The following PITPNM2 variants were observed in gnomAD, a reference collection of about 807,000 sequenced individuals.
The protein encoded by PITPNM2 is membrane-associated phosphatidylinositol transfer protein 2.
In PITPNM2, 35 loss-of-function variants were observed where a neutral mutation model predicts 132.2. The ratio of observed to expected loss-of-function variants is 0.26; its 90% confidence interval spans 0.20 to 0.35. The LOEUF is 0.35. Ranked by LOEUF, PITPNM2 falls within the 10% of genes least tolerant of loss-of-function variation. The probability of loss-of-function intolerance (pLI) is 1.00; values close to 1 mark genes in which losing one functional copy is unlikely to be tolerated. For synonymous variants in PITPNM2, 738 were observed against 799.2 expected, an observed-to-expected ratio of 0.92 and a Z score of 1.29; for missense variants, 1,332 against 1,912.0, an observed-to-expected ratio of 0.70 and a Z score of 5.66.
chr12:123,143,060 C>T (rs1020611402), intron 1 of PITPNM2, among the ~76,000 whole-genome samples: 13 of 152,176 alleles, frequency 8.5e-5, no homozygotes, highest in Non-Finnish European at 1.8e-4. Flanking sequence ...GACAACCTCA[C>T]GCCACTGATG....
intron 2 of PITPNM2, among the ~76,000 whole-genome samples, chr12:123,101,976 C>T (rs923249256): frequency 2.6e-5 from 4 of 152,120 alleles, no homozygotes; most frequent in African/African-American, 9.7e-5. Flanking sequence ...ATTGTACCAC[C>T]GTACTCCAGC....
At chr12:123,147,708 A>T (rs2043646560) in intron 1 of PITPNM2, among the ~76,000 whole-genome samples, 1 of 152,178 alleles carries the variant, frequency 6.6e-6, no homozygotes, top group Non-Finnish European at 1.5e-5. Flanking sequence ...AATCAGTTGG[A>T]AAGACAGTGT....
chr12:122,997,477 C>T lies in PITPNM2; in HGVS notation c.1320G>A (p.Gly440=). ...HGGTILDTGA[G]DPSSKKGDAN... is the part of the protein sequence containing the mutation. The stretch of plus-strand genomic sequence containing the variant: ...CATCGCCCTTCTTGGAGCTGGGGTC[C>T]CCGGCGCCTGTGTCCAGGATGGTGC... Residue 440 remains glycine, a synonymous_variant, in exon 11 of 26, where the codon GGG becomes GGA. Transcript: ENST00000320201. 6.2e-7 allele frequency: 1 copy of T among 1,613,544 alleles called. No homozygotes were observed. The highest frequency in any genetic ancestry group is 8.5e-7 in the Non-Finnish European group (1 of 1,180,012).
chr12:123,007,485 G>C, intron 6 of PITPNM2: 1 of 442,094 alleles, frequency 2.3e-6, no homozygotes, highest in South Asian at 1.6e-5. Context: ...ATGCTGAGCG[G>C]GTTTGCAAGC....
intron 1 of PITPNM2, among the ~76,000 whole-genome samples, chr12:123,113,131 G>A (rs1233063387): frequency 1.3e-5 from 2 of 152,220 alleles, no homozygotes; most frequent in African/African-American, 2.4e-5. Context: ...CTGCCCAGAC[G>A]TCCACACGTC....
rs1293184690 is a variant in PITPNM2, at chr12:123,142,945, G to A, written c.-200+7808C>T. Among the ~76,000 whole-genome samples, 3 of 151,986 alleles carry A rather than the reference G, an allele frequency of 2.0e-5. No individual in the cohort carries two copies. In the East Asian group the frequency reaches 5.8e-4, roughly 29 times the overall value. On this transcript the variant is annotated intron_variant, in intron 1 of 25. Transcript: ENST00000320201. The stretch of plus-strand genomic sequence containing the variant: ...AAAGTACCAAGGAAAGCACTTAAAT[G>A]GGCCCTTCAGTGTGAGAGGAAGAAT...
rs1481298405 is a variant in PITPNM2 at position 123,111,265 on chromosome 12, G to A, written c.-199-777C>T. On this transcript the variant is annotated intron_variant, in intron 1 of 25. Coordinates refer to ENST00000320201, the MANE Select transcript of PITPNM2 (RefSeq NM_020845.3). This position sits in a 1 kb window ranked among gnomAD's most constrained non-coding sequence, Gnocchi z 4.1. ...ACACATACAAGCCTCCTGACCCTGGGCCCAGAGAGCAGGTAGCAGCCTACA... is the reference window on the plus strand; with the variant it reads ...ACACATACAAGCCTCCTGACCCTGGACCCAGAGAGCAGGTAGCAGCCTACA... 6.6e-6 allele frequency among the ~76,000 whole-genome samples: 1 copy of A among 152,202 alleles called. No individual in the cohort carries two copies. The highest frequency in any genetic ancestry group is 1.5e-5 in the Non-Finnish European group (1 of 68,034).
At chr12:123,091,544 T>C (rs1349921081) in intron 2 of PITPNM2, 1 of 151,998 alleles carries the variant, frequency 6.6e-6, no homozygotes, top group East Asian at 1.9e-4. Flanking sequence ...TGAGTGAGGG[T>C]CATGGAATTG....
At chr12:123,113,813 C>T (rs1341132229) in intron 1 of PITPNM2, among the ~76,000 whole-genome samples, 1 of 152,130 alleles carries the variant, frequency 6.6e-6, no homozygotes, top group Non-Finnish European at 1.5e-5. Context: ...TTCATCACCC[C>T]AAAAAGAAAA....
At chr12:123,011,525 C>T (rs984561059) in intron 5 of PITPNM2, among the ~76,000 whole-genome samples, 2 of 152,202 alleles carry the variant, frequency 1.3e-5, no homozygotes, top group African/African-American at 4.8e-5. Flanking sequence ...CCTACGCTGA[C>T]GTACTGAACA....
chr12:122,998,000 C>CTGTG (rs1302083752), intron 10 of PITPNM2, among the ~76,000 whole-genome samples: 3 of 152,184 alleles, frequency 2.0e-5, no homozygotes, highest in African/African-American at 7.2e-5. Flanking sequence ...GCTGCCTGCC[C>CTGTG]TGTGTGTGTC....
rs1045804149 is a variant in PITPNM2 at position 123,036,631 on chromosome 12, A to G, written c.-95-1946T>C. The stretch of plus-strand genomic sequence containing the variant: ...TTTATATACCCCAGAAACTGCACCC[A>G]ACATCTGCTGGCTGTAGATAAGATA... On this transcript the variant is annotated intron_variant, in intron 2 of 25. Transcript: ENST00000320201. The surrounding 1 kb of genome is among the most constrained non-coding windows in gnomAD (Gnocchi z 4.1). 6.6e-6 allele frequency among the ~76,000 whole-genome samples: 1 copy of G among 152,200 alleles called. No homozygotes were observed. The highest frequency in any genetic ancestry group is 2.4e-5 in the African/African-American group (1 of 41,456).
chr12:123,025,613 C>G (rs1182830971), intron 3 of PITPNM2, among the ~76,000 whole-genome samples: 1 of 151,852 alleles, frequency 6.6e-6, no homozygotes, highest in Non-Finnish European at 1.5e-5. Context: ...TGTATTTTTA[C>G]TAGAGATGGG....
chr12:123,104,174 GC>G (rs1237629240), intron 2 of PITPNM2, among the ~76,000 whole-genome samples: 1 of 152,164 alleles, frequency 6.6e-6, no homozygotes, highest in Non-Finnish European at 1.5e-5. Flanking sequence ...CAGGTGATCT[GC>G]CCGTGTTGGC....
intron 1 of PITPNM2, among the ~76,000 whole-genome samples, chr12:123,132,816 G>T (rs1237782433): frequency 6.6e-6 from 1 of 152,016 alleles, no homozygotes; most frequent in African/African-American, 2.4e-5. Context: ...TGTTTTCAAG[G>T]TTCATCCATG....
chr12:123,067,790 G>A (rs2041475921), intron 2 of PITPNM2, among the ~76,000 whole-genome samples: 2 of 152,182 alleles, frequency 1.3e-5, no homozygotes, highest in African/African-American at 4.8e-5. Flanking sequence ...CATTGGGTTT[G>A]TGGCATTGGG....
chr12:123,091,622 G>A (rs557576319), intron 2 of PITPNM2: 7 of 152,292 alleles, frequency 4.6e-5, no homozygotes, highest in African/African-American at 1.7e-4. Flanking sequence ...GCAGAGAGGT[G>A]CATTTGAGCA....
At chr12:123,073,121 C>T (rs2041664665) in intron 2 of PITPNM2, among the ~76,000 whole-genome samples, 3 of 152,182 alleles carry the variant, frequency 2.0e-5, no homozygotes, top group African/African-American at 7.2e-5. Flanking sequence ...TCTCATGGGT[C>T]GTTAAGGTAC....
At chr12:123,007,794 C>G (rs1038085849) in intron 6 of PITPNM2, among the ~76,000 whole-genome samples, 1 of 152,096 alleles carries the variant, frequency 6.6e-6, no homozygotes, top group Non-Finnish European at 1.5e-5. Flanking sequence ...CTGGGGTGAC[C>G]GGAAGGGCTG....
Sources: allele counts gnomAD v4.1 joint callset (sites outside exome capture counted in the v4.1 genomes callset), GRCh38; gene constraint gnomAD v4.1.1; non-coding constraint Gnocchi (gnomAD v3.1); transcripts MANE v1.5; gene names NCBI Gene and HGNC (gene_info 2026-07-23, HGNC 2026-07-21).